The following BCAS3 variants were observed in gnomAD, a reference collection of about 807,000 sequenced individuals.
BCAS3 encodes the protein BCAS4/BCAS3 fusion.
In BCAS3, 53 loss-of-function variants were observed where a neutral mutation model predicts 116.1. That is an observed-to-expected ratio of 0.46 (90% CI 0.37 to 0.57). The LOEUF is 0.57. Ranked by LOEUF, BCAS3 falls within the 20% of genes least tolerant of loss-of-function variation. BCAS3 has a pLI of 0.00. For synonymous variants in BCAS3, 391 were observed against 408.2 expected, an observed-to-expected ratio of 0.96 and a Z score of 0.51; for missense variants, 917 against 1,165.4, an observed-to-expected ratio of 0.79 and a Z score of 3.10.
intron 19 of BCAS3, among the ~76,000 whole-genome samples, chr17:61,045,310 A>T (rs1418999133): frequency 6.6e-6 from 1 of 151,494 alleles, no homozygotes; most frequent in African/African-American, 2.4e-5. Context: ...GAAGTTCAAG[A>T]CCATCCTGGG....
At chr17:61,351,310 C>T (rs1052203720) in intron 22 of BCAS3, among the ~76,000 whole-genome samples, 1 of 152,134 alleles carries the variant, frequency 6.6e-6, no homozygotes, top group African/African-American at 2.4e-5. Flanking sequence ...ACTATTTTTT[C>T]CCTTCCTCAA....
At chr17:60,903,441 A>G (rs2058025530) in intron 11 of BCAS3, among the ~76,000 whole-genome samples, 1 of 152,188 alleles carries the variant, frequency 6.6e-6, no homozygotes. Context: ...TTTCACCCAA[A>G]AGGGAATTAA....
chr17:61,391,922 C>T lies in BCAS3; in HGVS notation c.2594-55C>T. On this transcript the variant is annotated intron_variant, in intron 23 of 23. Coordinates refer to ENST00000407086, the MANE Select transcript of BCAS3 (RefSeq NM_017679.5). The surrounding 1 kb of genome is among the most constrained non-coding windows in gnomAD (Gnocchi z 7.7). Reference sequence around the variant, plus strand: ...GCAGGCAGCCTGGCCCAGATGGTGCCCCCACTCCCCAGACCCAACTCTAAC... The same window carrying T: ...GCAGGCAGCCTGGCCCAGATGGTGCTCCCACTCCCCAGACCCAACTCTAAC... The T allele has an allele frequency of 1.9e-6, 3 of 1,580,458 alleles. No homozygotes were observed. The highest frequency in any genetic ancestry group is 2.3e-5 in the South Asian group (2 of 86,918).
chr17:61,111,357 A>G (rs1489465893), intron 22 of BCAS3, among the ~76,000 whole-genome samples: 1 of 149,818 alleles, frequency 6.7e-6, no homozygotes, highest in Non-Finnish European at 1.5e-5. Flanking sequence ...AGAAGAATGT[A>G]TAACTAGAAT....
rs1013299203 is a variant in BCAS3 at position 61,354,604 on chromosome 17, G to C, written c.2426-13723G>C. 2.0e-5 allele frequency: 3 copies of C among 152,192 alleles called. No homozygotes were observed. The highest frequency in any genetic ancestry group is 4.4e-5 in the Non-Finnish European group (3 of 68,042). The allele number at this position is 152,192 out of a possible 1,614,324, so 9.4% of individuals were successfully genotyped here. On this transcript the variant is annotated intron_variant, in intron 22 of 23. Coordinates refer to ENST00000407086, the MANE Select transcript of BCAS3 (RefSeq NM_017679.5). This position sits in a 1 kb window ranked among gnomAD's most constrained non-coding sequence, Gnocchi z 4.5. The stretch of plus-strand genomic sequence containing the variant: ...CTTCAGTGCAAGGACCTGGGAAGTC[G>C]GGATTCTGTAATGTACCTTGCCCCC...
rs2080979736 is a variant in BCAS3 at position 61,203,897 on chromosome 17, A to C, written c.2425+119333A>C. ...ATTGCTATCAGAGCTCTGAAGTGAC[A>C]GAGGCAAAGGGCAGAGAATGGAACC... On this transcript the variant is annotated intron_variant, in intron 22 of 23. Transcript: ENST00000407086. The surrounding 1 kb of genome is among the most constrained non-coding windows in gnomAD (Gnocchi z 5.7). Among the ~76,000 whole-genome samples, 1 of 152,212 alleles carries C rather than the reference A, an allele frequency of 6.6e-6. No individual in the cohort carries two copies. The highest frequency in any genetic ancestry group is 1.5e-5 in the Non-Finnish European group (1 of 68,028).
At chr17:60,823,214 G>A (rs1461794207) in intron 7 of BCAS3, among the ~76,000 whole-genome samples, 1 of 152,160 alleles carries the variant, frequency 6.6e-6, no homozygotes, top group East Asian at 1.9e-4. Flanking sequence ...TTAATCTGTA[G>A]TTTGCCATGT....
Position 61,067,273 on chromosome 17 carries a change from G to GTGTATATATATA in BCAS3, c.2030-7646_2030-7645insGTATATATATAT, listed in dbSNP as rs1251223420. Among the ~76,000 whole-genome samples, 14 of 58,796 alleles carry GTGTATATATATA rather than the reference G, an allele frequency of 2.4e-4. No individual in the cohort carries two copies. The East Asian group carries it at 4.1e-3, about 17-fold the overall frequency. 38.6% of individuals were successfully genotyped at this position (58,796 alleles called of 152,430 possible). A position where few individuals can be genotyped will look rare whatever the true frequency, so the allele number is the denominator to read the frequency against. Reference sequence around the variant, plus strand: ...CATAACTTTATTTATGTGTGTATGTGTATATATATATATATATATATATAT... The same window carrying GTGTATATATATA: ...CATAACTTTATTTATGTGTGTATGTGTGTATATATATATATATATATATATATATATATATAT... On this transcript the variant is annotated intron_variant, in intron 19 of 23. Coordinates refer to ENST00000407086, the MANE Select transcript of BCAS3 (RefSeq NM_017679.5).
At position 61,220,031 on chromosome 17, in the gene BCAS3, C is replaced by T. The variant is rs896215398; in HGVS notation, c.2425+135467C>T. Among the ~76,000 whole-genome samples the T allele has an allele frequency of 6.6e-6, 1 of 152,152 alleles. No individual in the cohort carries two copies. Among genetic ancestry groups the T allele is most frequent in the African/African-American group, 2.4e-5 (1 of 41,444 alleles). On this transcript the variant is annotated intron_variant, in intron 22 of 23. Coordinates refer to ENST00000407086, the MANE Select transcript of BCAS3 (RefSeq NM_017679.5). The surrounding 1 kb of genome is among the most constrained non-coding windows in gnomAD (Gnocchi z 4.5). ...AAGTTTTCGGCCGGGCGCGGTGGCT[C>T]ACGCCTGTAATCCCAGCACTTTGGG...
chr17:60,949,134 C>T (rs1175524647), intron 14 of BCAS3, among the ~76,000 whole-genome samples: 1 of 152,140 alleles, frequency 6.6e-6, no homozygotes, highest in Non-Finnish European at 1.5e-5. Flanking sequence ...CTTGGCCTGC[C>T]AAAGTGCTGG....
intron 7 of BCAS3, among the ~76,000 whole-genome samples, chr17:60,812,550 G>C (rs919733888): frequency 6.6e-6 from 1 of 152,182 alleles, no homozygotes; most frequent in Non-Finnish European, 1.5e-5. Flanking sequence ...AGTGGTCCTA[G>C]AAGAGATTAA....
At chr17:60,856,292 A>G (rs1438327719) in intron 7 of BCAS3, among the ~76,000 whole-genome samples, 1 of 152,230 alleles carries the variant, frequency 6.6e-6, no homozygotes, top group African/African-American at 2.4e-5. Context: ...ATAGGTTGAT[A>G]GGTTTTCAGA....
At position 61,241,301 on chromosome 17, in the gene BCAS3, G is replaced by A. The variant is rs4968542; in HGVS notation, c.2426-127026G>A. On this transcript the variant is annotated intron_variant, in intron 22 of 23. Transcript: ENST00000407086. This position sits in a 1 kb window ranked among gnomAD's most constrained non-coding sequence, Gnocchi z 4.6. ...AGCCTGTTTACCACCAAGTACCCAC[G>A]TCTTCCTTTGGCTCTGTTGTCCTCT... Among the ~76,000 whole-genome samples the A allele has an allele frequency of 1.3e-5, 2 of 151,954 alleles. No individual in the cohort carries two copies. Among genetic ancestry groups the A allele is most frequent in the African/African-American group, 2.4e-5 (1 of 41,374 alleles).
In BCAS3 at chr17:61,352,237, G is replaced by A. The variant is rs961410931; in HGVS notation, c.2426-16090G>A. Among the ~76,000 whole-genome samples the A allele has an allele frequency of 6.6e-6, 1 of 152,104 alleles. No individual in the cohort carries two copies. The highest frequency in any genetic ancestry group is 2.1e-4 in the South Asian group (1 of 4,810). ...TCTGGGCCCCTCCTGGGAGCCCCTT[G>A]GTGCTTTGGCTTTTTTCTTTTTTCC... is the stretch of plus-strand genomic sequence containing the variant. On this transcript the variant is annotated intron_variant, in intron 22 of 23. Coordinates refer to ENST00000407086, the MANE Select transcript of BCAS3 (RefSeq NM_017679.5). The surrounding 1 kb of genome is among the most constrained non-coding windows in gnomAD (Gnocchi z 4.7).
At chr17:60,752,967 C>T (rs11658417) in intron 6 of BCAS3, among the ~76,000 whole-genome samples, 110,639 of 152,048 alleles carry the variant, frequency 0.73, 45,987 homozygotes, top group South Asian at 0.98. Flanking sequence ...ACCACAGCCT[C>T]CTGAATACCT....
intron 7 of BCAS3, among the ~76,000 whole-genome samples, chr17:60,855,298 C>A (rs985919024): frequency 6.6e-6 from 1 of 150,746 alleles, no homozygotes; most frequent in Non-Finnish European, 1.5e-5. Flanking sequence ...TACCTTCTTA[C>A]TCTGGTGGTT....
chr17:60,992,554 T>C (rs7210656), intron 15 of BCAS3, among the ~76,000 whole-genome samples: 10,597 of 152,006 alleles, frequency 0.07, 1,101 homozygotes, highest in African/African-American at 0.23. Context: ...GGGGTGAGGG[T>C]TGAAAAACTA....
At chr17:60,958,209 G>T (rs910251763) in intron 14 of BCAS3, among the ~76,000 whole-genome samples, 2 of 152,202 alleles carry the variant, frequency 1.3e-5, no homozygotes, top group Non-Finnish European at 2.9e-5. Context: ...AGACATGGGA[G>T]CTGCAGAGAG....
At chr17:60,678,641 G>C (rs897549727) in intron 1 of BCAS3, among the ~76,000 whole-genome samples, 8 of 152,106 alleles carry the variant, frequency 5.3e-5, no homozygotes, top group Admixed American at 2.0e-4. Context: ...ATAATTACTT[G>C]ACTTATTTGT....
Sources: gnomAD v4.1 joint callset for allele counts (sites outside exome capture counted in the v4.1 genomes callset) on GRCh38, gnomAD v4.1.1 for gene constraint, Gnocchi (gnomAD v3.1) non-coding constraint, MANE v1.5 for transcripts, NCBI Gene and HGNC (gene_info 2026-07-23, HGNC 2026-07-21) for gene names.